The following HLTF variants were observed in gnomAD, a reference collection of about 807,000 sequenced individuals.
HLTF encodes the protein helicase like transcription factor.
A neutral mutation model predicts 129.4 loss-of-function variants in HLTF; 127 were observed. The ratio of observed to expected loss-of-function variants is 0.98; its 90% CI spans 0.85 to 1.14. HLTF has a LOEUF of 1.14. Among genes scored for constraint, HLTF ranks in the 50% most tolerant of loss-of-function variants. The pLI is 0.00. For missense variants in HLTF, 1,139 were observed against 1,187.1 expected, an observed-to-expected ratio of 0.96 and a Z score of 0.60; for synonymous variants, 332 against 388.8, an observed-to-expected ratio of 0.85 and a Z score of 1.72.
chr3:149,074,183 C>A (rs754656281), intron 4 of HLTF, 32 bp downstream of exon 4: 2 of 1,578,528 alleles, frequency 1.3e-6, no homozygotes. Context: ...CTTACAATAT[C>A]AGAATAATAT....
At chr3:149,046,053 T>C (rs777754345) in intron 18 of HLTF, 27 bp downstream of exon 18, 5 of 1,559,804 alleles carry the variant, frequency 3.2e-6, no homozygotes, top group Non-Finnish European at 4.4e-6. Flanking sequence ...AAAAACTAAT[T>C]TTTAACATGG....
At chr3:149,067,322 T>C (rs1168008398) in intron 8 of HLTF, among the ~76,000 whole-genome samples, 1 of 152,082 alleles carries the variant, frequency 6.6e-6, no homozygotes, top group Non-Finnish European at 1.5e-5. Flanking sequence ...ATATATTATT[T>C]ACAAAGTGAG....
At chr3:149,063,323 G>A (rs946378590) in intron 10 of HLTF, 108 bp downstream of exon 10, 3 of 719,256 alleles carry the variant, frequency 4.2e-6, no homozygotes, top group African/African-American at 3.5e-5. Flanking sequence ...GCCTCCCAAA[G>A]TGCTGGGATT....
chr3:149,063,601 G>T (rs1718132391), intron 9 of HLTF, 77 bp from the exon 10 acceptor site: 8 of 775,188 alleles, frequency 1.0e-5, no homozygotes, highest in East Asian at 5.3e-5. Flanking sequence ...TTAAAACCTT[G>T]GTTTTCTAAT....
At chr3:149,078,701 CA>C (rs1559883626) in intron 2 of HLTF, among the ~76,000 whole-genome samples, 1 of 151,600 alleles carries the variant, frequency 6.6e-6, no homozygotes, top group African/African-American at 2.4e-5. Flanking sequence ...ACTAAAAATA[CA>C]AAAAATTAGC....
In HLTF at chr3:149,064,772, T is replaced by C. The variant is rs773209892; in HGVS notation, c.1066+19A>G. ...GTTTACCAGATCAAATATTGGATCA[T>C]TTCAAAATTAGCATTTACCTTTGCT... On this transcript the variant is annotated intron_variant, in intron 9 of 24. Transcript: ENST00000310053. 1 of 1,437,710 alleles carries C rather than the reference T, an allele frequency of 7.0e-7. No individual in the cohort carries two copies. The highest frequency in any genetic ancestry group is 1.2e-5 in the South Asian group (1 of 86,314). 89.1% of individuals were successfully genotyped at this position (1,437,710 alleles called of 1,614,324 possible).
chr3:149,038,061 T>C lies in HLTF; in HGVS notation c.2796+988A>G, dbSNP rs534802908. Among the ~76,000 whole-genome samples, 3 of 152,354 alleles carry C rather than the reference T, an allele frequency of 2.0e-5. No homozygotes were observed. In the South Asian group the frequency reaches 6.2e-4, roughly 32 times the overall value. On this transcript the variant is annotated intron_variant, in intron 23 of 24. Coordinates refer to ENST00000310053, the MANE Select transcript of HLTF (RefSeq NM_003071.4). Reference sequence around the variant, plus strand: ...TGATAATTTGTTTCTCAAATTGTGATCCTAGACCACCTGTACCTCAATCAC... The same window carrying C: ...TGATAATTTGTTTCTCAAATTGTGACCCTAGACCACCTGTACCTCAATCAC...
At chr3:149,083,444 C>A (rs758902429) in intron 2 of HLTF, among the ~76,000 whole-genome samples, 2 of 151,848 alleles carry the variant, frequency 1.3e-5, no homozygotes, top group African/African-American at 2.4e-5. Flanking sequence ...ATCAAAAATA[C>A]TGATTGTTCT....
intron 8 of HLTF, among the ~76,000 whole-genome samples, 165 bp from the exon 9 acceptor site, chr3:149,065,031 T>A (rs1480785943): frequency 6.6e-6 from 1 of 151,498 alleles, no homozygotes; most frequent in East Asian, 1.9e-4. Context: ...GAGGAAAATA[T>A]ACAAACTGAT....
At chr3:149,086,116 C>T (rs1312696303) in intron 1 of HLTF, among the ~76,000 whole-genome samples, 1 of 152,198 alleles carries the variant, frequency 6.6e-6, no homozygotes, top group Non-Finnish European at 1.5e-5. Context: ...AAGTCCCTAA[C>T]ACGGGACTCG....
rs1717868657 is a variant in HLTF at position 149,060,771 on chromosome 3, CAT to C, written c.1240+6_1240+7del. On this transcript the variant is annotated splice_donor_region_variant and intron_variant, in intron 11 of 24. Coordinates refer to ENST00000310053, the MANE Select transcript of HLTF (RefSeq NM_003071.4). ...ACACATTATCAAATCAAATCTATTACATGTTACCTTTCATTTTCTGCGGCAAT... is the reference window on the plus strand; with the variant it reads ...ACACATTATCAAATCAAATCTATTACGTTACCTTTCATTTTCTGCGGCAAT... The C allele has an allele frequency of 3.7e-6, 6 of 1,610,364 alleles. No individual in the cohort carries two copies. Among genetic ancestry groups the C allele is most frequent in the Admixed American group, 3.3e-5 (2 of 59,996 alleles).
chr3:149,061,811 G>A (rs1717973591), intron 10 of HLTF, among the ~76,000 whole-genome samples: 1 of 150,656 alleles, frequency 6.6e-6, no homozygotes. Flanking sequence ...ACTCCAGCCT[G>A]GGCGACAGGA....
intron 2 of HLTF, among the ~76,000 whole-genome samples, chr3:149,078,142 A>T (rs938031391): frequency 1.3e-5 from 2 of 152,232 alleles, no homozygotes; most frequent in African/African-American, 4.8e-5. Context: ...CAAAAAAAAT[A>T]AGAAAGTATG....
At chr3:149,036,297 G>GCTTTTTTTTTTT (rs1715616874) in intron 23 of HLTF, among the ~76,000 whole-genome samples, 1 of 107,986 alleles carries the variant, frequency 9.3e-6, no homozygotes, top group African/African-American at 3.8e-5. Flanking sequence ...AAACTATGAG[G>GCTTTTTTTTTTT]TTTTTTTTTT....
intron 17 of HLTF, among the ~76,000 whole-genome samples, 175 bp downstream of exon 17, chr3:149,047,853 C>CT (rs1370749725): frequency 6.6e-6 from 1 of 152,062 alleles, no homozygotes; most frequent in Non-Finnish European, 1.5e-5. Context: ...AATTAGAAAT[C>CT]TTTGTCTTTC....
chr3:149,035,409 G>A (rs1715485693), intron 23 of HLTF, among the ~76,000 whole-genome samples: 1 of 151,806 alleles, frequency 6.6e-6, no homozygotes, highest in Admixed American at 6.6e-5. Context: ...CCCTTTTCTG[G>A]TTTTCTTTCA....
chr3:149,076,130 A>AT lies in HLTF; in HGVS notation c.229-84dup, dbSNP rs1316383744. 4.3e-5 allele frequency: 24 copies of AT among 562,418 alleles called. No homozygotes were observed. In the East Asian group the frequency reaches 7.3e-4, roughly 17 times the overall value. The allele number at this position is 562,418 out of a possible 1,614,324, so 34.8% of individuals were successfully genotyped here. A position where few individuals can be genotyped will look rare whatever the true frequency, so the allele number is the denominator to read the frequency against. On this transcript the variant is annotated intron_variant, in intron 2 of 24. Transcript: ENST00000310053. The stretch of plus-strand genomic sequence containing the variant: ...TATACTTTATCTGGGATTTCCATTC[A>AT]TTTTTTAATGCTACTGCTAAACACT...
chr3:149,050,868 A>G (rs1481910432), intron 14 of HLTF, among the ~76,000 whole-genome samples: 1 of 152,232 alleles, frequency 6.6e-6, no homozygotes, highest in Admixed American at 6.5e-5. Flanking sequence ...ATGAAGAACA[A>G]ATAATCATCC....
Position 149,084,798 on chromosome 3 carries a change from C to A in HLTF, c.112G>T (p.Glu38Ter). Residue 38 changes from glutamate (E) to a stop codon, truncating the protein, a stop_gained, in exon 2 of 25, where the codon GAA (glutamate) becomes TAA (stop). Coordinates refer to ENST00000310053, the MANE Select transcript of HLTF (RefSeq NM_003071.4). LOFTEE classifies it high-confidence loss of function. ...LSYPTFFPRF[E>*]FQDVIPPDDF... ...TCTGGAGGGATAACATCTTGGAATT[C>A]AAAACGTGGAAAGAAAGTTGGATAT... 2 of 1,613,934 alleles carry A rather than the reference C, an allele frequency of 1.2e-6. No homozygotes were observed. Among genetic ancestry groups the A allele is most frequent in the Non-Finnish European group, 1.7e-6 (2 of 1,179,926 alleles).
Sources: gnomAD v4.1 joint callset for allele counts (sites outside exome capture counted in the v4.1 genomes callset) on GRCh38, gnomAD v4.1.1 for gene constraint, MANE v1.5 for transcripts, NCBI Gene and HGNC (gene_info 2026-07-23, HGNC 2026-07-21) for gene names.